Variants in CCNK observed in about 807,000 individuals in gnomAD.
CCNK encodes cyclin K.
CCNK carries 9 observed loss-of-function variants against 65.0 expected under a neutral mutation model. The observed-to-expected ratio is 0.14, with a 90% CI of 0.08 to 0.24. The LOEUF (loss-of-function observed/expected upper bound fraction) is 0.24. CCNK is among the 10% of genes least tolerant of loss of function. The probability of loss-of-function intolerance (pLI) is 1.00; values close to 1 mark genes in which losing one functional copy is unlikely to be tolerated. For synonymous variants in CCNK, 279 were observed against 270.8 expected, an observed-to-expected ratio of 1.03 and a Z score of -0.30; for missense variants, 474 against 720.0, an observed-to-expected ratio of 0.66 and a Z score of 3.91.
chr14:99,497,041 A>ATT (rs1285564972), intron 4 of CCNK, among the ~76,000 whole-genome samples: 2 of 134,536 alleles, frequency 1.5e-5, no homozygotes, highest in African/African-American at 5.5e-5. Context: ...CATTTTCAGC[A>ATT]TCCCCCCGAC....
At chr14:99,496,424 A>C (rs767834695) in intron 4 of CCNK, among the ~76,000 whole-genome samples, 2 of 152,214 alleles carry the variant, frequency 1.3e-5, no homozygotes, top group Non-Finnish European at 2.9e-5. Context: ...ATATAAGAAT[A>C]AACTGGCCAG....
Position 99,502,977 on chromosome 14 carries a change from G to T in CCNK, c.1004G>T (p.Arg335Leu). ...PQPSSPRQVK[R>L]AVVVSPKEEN... is the part of the protein sequence containing the mutation. ...CCCAGTTCTCCCCGACAGGTTAAGC[G>T]AGCCGTGGTGAGTGGGCTAAAGCAG... Residue 335 changes from arginine to leucine, a missense_variant, in exon 8 of 11, where the codon CGA becomes CTA. This residue lies in a region of CCNK where 229 missense variants were observed against 275.5 expected (regional missense o/e 0.83). Coordinates refer to ENST00000389879, the MANE Select transcript of CCNK (RefSeq NM_001099402.2). 9 of 1,613,976 alleles carry T rather than the reference G, an allele frequency of 5.6e-6. No individual in the cohort carries two copies. The highest frequency in any genetic ancestry group is 7.6e-6 in the Non-Finnish European group (9 of 1,179,890).
At position 99,510,387 on chromosome 14, in the gene CCNK, A is replaced by G. The variant is rs1311933968; in HGVS notation, c.1348A>G (p.Met450Val). 1.3e-6 allele frequency: 2 copies of G among 1,566,264 alleles called. No individual in the cohort carries two copies. Among genetic ancestry groups the G allele is most frequent in the Non-Finnish European group, 1.7e-6 (2 of 1,159,544 alleles). The change falls in exon 11 of 11, where the codon ATG becomes GTG. Residue 450 changes from methionine to valine, a missense_variant. By Grantham distance (21) the Met-to-Val change is conservative (BLOSUM62 1). This residue lies in a region of CCNK where 229 missense variants were observed against 275.5 expected (regional missense o/e 0.83). Coordinates refer to ENST00000389879, the MANE Select transcript of CCNK (RefSeq NM_001099402.2). ...AGAGGGCTACCAGAGCCTGCAGTCC[A>G]TGATGAAGACCGAGGGACCCTCCTA... ...SGEGYQSLQS[M>V]MKTEGPSYGA...
intron 1 of CCNK, among the ~76,000 whole-genome samples, chr14:99,486,608 C>T (rs528680740): frequency 2.6e-4 from 40 of 152,196 alleles, no homozygotes; most frequent in Non-Finnish European, 4.0e-4. Context: ...TTCTTTTCCT[C>T]CCTCCTTATC....
intron 1 of CCNK, among the ~76,000 whole-genome samples, chr14:99,486,868 T>G (rs942473246): frequency 3.8e-5 from 5 of 130,330 alleles, no homozygotes; most frequent in African/African-American, 1.4e-4. Flanking sequence ...TCTCTCCCCT[T>G]ACATGCGTTA....
chr14:99,502,831 G>T lies in CCNK; in HGVS notation c.858G>T (p.Pro286=), dbSNP rs3918090. 3.7e-6 allele frequency: 6 copies of T among 1,613,180 alleles called. No homozygotes were observed. The highest frequency in any genetic ancestry group is 5.1e-6 in the Non-Finnish European group (6 of 1,179,692). Residue 286 remains proline (P), a synonymous_variant, in exon 8 of 11, where the codon CCG becomes CCT. Coordinates refer to ENST00000389879, the MANE Select transcript of CCNK (RefSeq NM_001099402.2). ...PPSLQPTPQV[P]QVQQSQPSQS... is the part of the protein sequence containing the mutation. ...CTCTTCAGCCTACACCACAAGTGCC[G>T]CAAGTACAGCAGTCACAGCCGTCTC... is the stretch of plus-strand genomic sequence containing the variant.
rs1595308804 is a variant in CCNK, at chr14:99,493,823, G to T, written c.279+228G>T. 1.1e-5 allele frequency: 4 copies of T among 348,542 alleles called. No individual in the cohort carries two copies. The East Asian group carries it at 1.3e-4, about 12-fold the overall frequency. 21.6% of individuals were successfully genotyped at this position (348,542 alleles called of 1,614,324 possible). A position where few individuals can be genotyped will look rare whatever the true frequency, so the allele number is the denominator to read the frequency against. On this transcript the variant is annotated intron_variant, in intron 3 of 10. Coordinates refer to ENST00000389879, the MANE Select transcript of CCNK (RefSeq NM_001099402.2). ...ATGGACCATAGTCATATTGCGCTTT[G>T]TATGAAAGTTTACTCCCGTGGTACC...
chr14:99,506,283 G>A (rs1896973036), intron 9 of CCNK: 2 of 152,276 alleles, frequency 1.3e-5, no homozygotes, highest in Admixed American at 1.3e-4. Flanking sequence ...CCAGAAGAAA[G>A]TACATTTCAG....
chr14:99,493,666 A>G (rs896713886), intron 3 of CCNK, 71 bp downstream of exon 3: 3 of 1,008,088 alleles, frequency 3.0e-6, no homozygotes, highest in East Asian at 2.4e-5. Context: ...TGGACTAATT[A>G]TAAGCTCTAT....
chr14:99,486,345 C>T (rs900478039), intron 1 of CCNK, among the ~76,000 whole-genome samples: 15 of 152,190 alleles, frequency 9.9e-5, no homozygotes, highest in African/African-American at 3.6e-4. Context: ...ACCTTCCTGT[C>T]ACTGGGCAAA....
At chr14:99,495,103 A>C in intron 3 of CCNK, 1 of 164,096 alleles carries the variant, frequency 6.1e-6, no homozygotes, top group Non-Finnish European at 1.3e-5. Flanking sequence ...AAAAGGAAGC[A>C]TGGGCAGTGC....
At chr14:99,491,124 C>A (rs1480382498) in intron 1 of CCNK, among the ~76,000 whole-genome samples, 1 of 152,118 alleles carries the variant, frequency 6.6e-6, no homozygotes, top group Admixed American at 6.5e-5. Flanking sequence ...AGCCAGTCCC[C>A]TGATGATGGG....
At position 99,502,432 on chromosome 14, in the gene CCNK, C is replaced by T. The variant is rs184368582; in HGVS notation, c.745+56C>T. 4.1e-5 allele frequency: 64 copies of T among 1,573,382 alleles called. No homozygotes were observed. The African/African-American group carries it at 7.6e-4, about 19-fold the overall frequency. On this transcript the variant is annotated intron_variant, in intron 7 of 10. Transcript: ENST00000389879. ...GTGTTCCATGTTGAGATGATTCTTC[C>T]ATGTGTACCCTGAGTCCCAAGAATG... is the stretch of plus-strand genomic sequence containing the variant.
Position 99,511,205 on chromosome 14 carries a change from A to T in CCNK, c.*423A>T, listed in dbSNP as rs1369590163. On this transcript the variant is annotated 3_prime_UTR_variant, in exon 11 of 11. Transcript: ENST00000389879. ...CTGAAGCCAAGCTGTTGTCATTTTC[A>T]TTCGGTGACATTCTCTCCCATGACA... is the stretch of plus-strand genomic sequence containing the variant. 6.5e-6 allele frequency: 1 copy of T among 153,836 alleles called. No homozygotes were observed. Among genetic ancestry groups the T allele is most frequent in the Admixed American group, 6.5e-5 (1 of 15,324 alleles). The allele number at this position is 153,836 out of a possible 1,614,324, so 9.5% of individuals were successfully genotyped here. A position where few individuals can be genotyped will look rare whatever the true frequency, so the allele number is the denominator to read the frequency against.
At position 99,489,707 on chromosome 14, in the gene CCNK, G is replaced by A. The variant is rs3918054; in HGVS notation, c.-52-2919G>A. ...TTTAGGATTTGCTTTTTTATTTTTA[G>A]TTAAGTGTATGAGTATGTTAAATAT... is the stretch of plus-strand genomic sequence containing the variant. On this transcript the variant is annotated intron_variant, in intron 1 of 10. Transcript: ENST00000389879. Among the ~76,000 whole-genome samples the A allele has an allele frequency of 3.9e-4, 60 of 152,212 alleles. 1 individual carries two copies. In the South Asian group the frequency reaches 6.8e-3, roughly 17 times the overall value.
In CCNK at chr14:99,510,981, TCATCA is replaced by T; in HGVS notation, c.*200_*204del. The T allele has an allele frequency of 2.4e-6, 1 of 412,358 alleles. No homozygotes were observed. The highest frequency in any genetic ancestry group is 4.2e-6 in the Non-Finnish European group (1 of 238,294). The allele number at this position is 412,358 out of a possible 1,614,324, so 25.5% of individuals were successfully genotyped here. A position where few individuals can be genotyped will look rare whatever the true frequency, so the allele number is the denominator to read the frequency against. On this transcript the variant is annotated 3_prime_UTR_variant, in exon 11 of 11. Coordinates refer to ENST00000389879, the MANE Select transcript of CCNK (RefSeq NM_001099402.2). ...GGGACAACCAGCTTTCAGAGTAGCC[TCATCA>T]GTGCCCTTGCAGTCTGACTGTGTAC...
At position 99,502,387 on chromosome 14, in the gene CCNK, T is replaced by A. The variant is rs780129653; in HGVS notation, c.745+11T>A. The A allele has an allele frequency of 6.2e-7, 1 of 1,612,404 alleles. No homozygotes were observed. The highest frequency in any genetic ancestry group is 8.5e-7 in the Non-Finnish European group (1 of 1,178,986). ...TCGACGTTTTGGAAGGTACCAGGCA[T>A]GCTAAGCGTTCTCGTGAGGGTGTTC... On this transcript the variant is annotated intron_variant, in intron 7 of 10. Transcript: ENST00000389879.
At chr14:99,507,218 G>A (rs1281582368) in intron 10 of CCNK, 71 bp downstream of exon 10, 3 of 943,124 alleles carry the variant, frequency 3.2e-6, no homozygotes, top group South Asian at 1.3e-5. Context: ...GCAGGTCCTG[G>A]GAACTTAGAA....
chr14:99,502,644 A>G (rs981692579), intron 7 of CCNK, 75 bp from the exon 8 acceptor site: 4 of 1,429,762 alleles, frequency 2.8e-6, no homozygotes, highest in Non-Finnish European at 2.9e-6. Flanking sequence ...GGGTATCATA[A>G]CTGATTCTTT....
Sources: gnomAD v4.1 joint callset for allele counts (sites outside exome capture counted in the v4.1 genomes callset) on GRCh38, gnomAD v4.1.1 for gene constraint, gnomAD v4.1.1 regional missense constraint, MANE v1.5 for transcripts, NCBI Gene and HGNC (gene_info 2026-07-23, HGNC 2026-07-21) for gene names.